Variants in NCAM2 observed in about 807,000 individuals in gnomAD.
The protein encoded by NCAM2 is N-CAM-2.
NCAM2 carries 30 observed loss-of-function variants against 98.1 expected under a neutral mutation model. The observed-to-expected ratio is 0.31, with a 90% CI of 0.23 to 0.41. The LOEUF (loss-of-function observed/expected upper bound fraction) is 0.41. Ranked by LOEUF, NCAM2 falls within the 10% of genes least tolerant of loss-of-function variation. The pLI is 1.00. For synonymous variants in NCAM2, 368 were observed against 342.4 expected (o/e 1.07, Z -0.83); for missense variants, 867 against 1,005.8 (o/e 0.86, Z 1.87).
chr21:21,491,684 T>C (rs1986859512), intron 15 of NCAM2, among the ~76,000 whole-genome samples: 1 of 151,634 alleles, frequency 6.6e-6, no homozygotes, highest in Admixed American at 6.6e-5. Flanking sequence ...AAATGTTCAT[T>C]TTCAGGATTT....
At chr21:21,050,102 G>GT (rs1342500008) in intron 1 of NCAM2, among the ~76,000 whole-genome samples, 1 of 147,692 alleles carries the variant, frequency 6.8e-6, no homozygotes, top group Non-Finnish European at 1.5e-5. Flanking sequence ...AAATTTGAAT[G>GT]TTTTTTTCAT....
chr21:21,131,729 G>A (rs562418834), intron 1 of NCAM2, among the ~76,000 whole-genome samples: 18 of 152,120 alleles, frequency 1.2e-4, no homozygotes, highest in African/African-American at 4.3e-4. Context: ...CTATATAATA[G>A]TGCTGTATGA....
intron 1 of NCAM2, among the ~76,000 whole-genome samples, chr21:21,192,192 C>T (rs1301656739): frequency 6.6e-6 from 1 of 151,694 alleles, no homozygotes; most frequent in Non-Finnish European, 1.5e-5. Flanking sequence ...CATTGCATTC[C>T]GGCTTGGGCA....
intron 1 of NCAM2, among the ~76,000 whole-genome samples, chr21:21,164,171 A>G (rs1045686974): frequency 2.0e-5 from 3 of 152,184 alleles, no homozygotes; most frequent in Non-Finnish European, 4.4e-5. Context: ...GGGCAAACTC[A>G]GCCTTATTTT....
chr21:21,364,049 A>G (rs1296157515), intron 8 of NCAM2, among the ~76,000 whole-genome samples: 1 of 152,056 alleles, frequency 6.6e-6, no homozygotes, highest in African/African-American at 2.4e-5. Context: ...ACAAAAAGCA[A>G]AATCAAAACT....
At chr21:21,536,731 G>A (rs1990003560) in intron 17 of NCAM2, among the ~76,000 whole-genome samples, 1 of 152,072 alleles carries the variant, frequency 6.6e-6, no homozygotes, top group South Asian at 2.1e-4. Flanking sequence ...TGTGGAAAAA[G>A]TATGTTGTTA....
In NCAM2 at chr21:21,257,847, C is replaced by T. The variant is rs139866026; in HGVS notation, c.56-22731C>T. The stretch of plus-strand genomic sequence containing the variant: ...CTGCCCGCCTCGGGCTTCCAAAGTG[C>T]TGGGATTACAGGCATGAGCCACTGT... On this transcript the variant is annotated intron_variant, in intron 1 of 17. Transcript: ENST00000400546. Among the ~76,000 whole-genome samples, 471 of 152,284 alleles carry T rather than the reference C, an allele frequency of 3.1e-3. 1 individual carries two copies. Among genetic ancestry groups the T allele is most frequent in the Admixed American group, 5.6e-3 (85 of 15,306 alleles).
At chr21:21,491,838 CTT>C (rs1448086288) in intron 15 of NCAM2, among the ~76,000 whole-genome samples, 3 of 151,274 alleles carry the variant, frequency 2.0e-5, no homozygotes, top group Admixed American at 6.6e-5. Flanking sequence ...ATTTATAAGT[CTT>C]ATATATTGTA....
At chr21:21,270,809 T>C (rs535730761) in intron 1 of NCAM2, among the ~76,000 whole-genome samples, 5 of 151,560 alleles carry the variant, frequency 3.3e-5, no homozygotes, top group African/African-American at 1.2e-4. Flanking sequence ...ACCTATTTGA[T>C]TTTTTTTTCA....
At chr21:21,360,542 C>G (rs370904976) in intron 8 of NCAM2, among the ~76,000 whole-genome samples, 1 of 151,912 alleles carries the variant, frequency 6.6e-6, no homozygotes, top group Admixed American at 6.6e-5. Context: ...CAAATAAGTA[C>G]GAATAGTAAA....
rs1990067192 is a variant in NCAM2 at position 21,537,860 on chromosome 21, A to C, written c.2417A>C (p.Lys806Thr). 2.1e-5 allele frequency: 33 copies of C among 1,543,962 alleles called. No homozygotes were observed. The highest frequency in any genetic ancestry group is 2.9e-5 in the Non-Finnish European group (33 of 1,135,692). Residue 806 changes from lysine to threonine, a missense_variant, in exon 18 of 18, where the codon AAG (lysine) becomes ACG (threonine). By Grantham distance (78) the Lys-to-Thr change is moderately conservative. Around this residue, in one of 5 missense-constraint regions of NCAM2, gnomAD observed 125 missense variants for 116.1 expected, o/e 1.08. Transcript: ENST00000400546. ...TTATCTTCCAGAAAATTGCCTTTAA[A>C]GGAAGAAGATGGGAAAGAAGCTCTA... Reference protein sequence around the residue: ...PLTEPEKLPLKEEDGKEALNP... With the variant: ...PLTEPEKLPLTEEDGKEALNP...
chr21:21,192,129 A>G (rs535349244), intron 1 of NCAM2, among the ~76,000 whole-genome samples: 1 of 152,196 alleles, frequency 6.6e-6, no homozygotes, highest in Non-Finnish European at 1.5e-5. Flanking sequence ...AGGCTGAAGC[A>G]GGAGAATCAC....
At chr21:21,012,573 T>G (rs569640931) in intron 1 of NCAM2, among the ~76,000 whole-genome samples, 148 of 152,330 alleles carry the variant, frequency 9.7e-4, no homozygotes, top group African/African-American at 3.5e-3. Context: ...TTTACTTGGC[T>G]TTGTGGAAGA....
chr21:21,159,447 A>G (rs376305034), intron 1 of NCAM2, among the ~76,000 whole-genome samples: 1 of 152,138 alleles, frequency 6.6e-6, no homozygotes, highest in Non-Finnish European at 1.5e-5. Flanking sequence ...AGCTCCATTT[A>G]TGGTAATTGG....
intron 12 of NCAM2, among the ~76,000 whole-genome samples, chr21:21,437,501 T>TGTGTGTGTGTGTGTG (rs1569063376): frequency 4.6e-5 from 7 of 151,614 alleles, no homozygotes; most frequent in South Asian, 2.1e-4. Flanking sequence ...TGTGTGTGTG[T>TGTGTGTGTGTGTGTG]TTCTAGCACA....
intron 8 of NCAM2, among the ~76,000 whole-genome samples, chr21:21,347,080 T>G (rs1408684851): frequency 6.6e-6 from 1 of 151,590 alleles, no homozygotes; most frequent in Non-Finnish European, 1.5e-5. Context: ...AATGAAACAA[T>G]AAGTTGCTTT....
chr21:21,506,229 G>C (rs1285117932), intron 15 of NCAM2, among the ~76,000 whole-genome samples: 2 of 151,970 alleles, frequency 1.3e-5, no homozygotes, highest in African/African-American at 4.8e-5. Flanking sequence ...AACCACAATT[G>C]TATATTTTTT....
At chr21:21,096,173 G>A (rs2066119090) in intron 1 of NCAM2, among the ~76,000 whole-genome samples, 2 of 151,576 alleles carry the variant, frequency 1.3e-5, no homozygotes, top group South Asian at 4.1e-4. Context: ...GGGTAACCTT[G>A]CTAGGTTCTT....
intron 11 of NCAM2, among the ~76,000 whole-genome samples, chr21:21,419,686 G>A (rs2077071339): frequency 6.6e-6 from 1 of 151,912 alleles, no homozygotes; most frequent in Non-Finnish European, 1.5e-5. Context: ...CAGAGGACAT[G>A]AACTCTTCAT....
Sources: gnomAD v4.1 joint callset for allele counts (sites outside exome capture counted in the v4.1 genomes callset) on GRCh38, gnomAD v4.1.1 for gene constraint, gnomAD v4.1.1 regional missense constraint, MANE v1.5 for transcripts, NCBI Gene and HGNC (gene_info 2026-07-23, HGNC 2026-07-21) for gene names.